Variants in MYH10 observed in about 807,000 individuals in gnomAD.
MYH10 encodes the protein myosin heavy chain 10, also known as myosin-10.
In MYH10, 55 loss-of-function variants were observed where a neutral mutation model predicts 257.8. The ratio of observed to expected loss-of-function variants is 0.21; its 90% confidence interval spans 0.17 to 0.27. The LOEUF is 0.27. Among genes scored for constraint, MYH10 ranks in the 10% least tolerant of loss-of-function variants. The probability of loss-of-function intolerance (pLI) is 1.00; values close to 1 mark genes in which losing one functional copy is unlikely to be tolerated. For synonymous variants in MYH10, 854 were observed against 921.7 expected (o/e 0.93, Z 1.33); for missense variants, 1,631 against 2,500.6 (o/e 0.65, Z 7.42).
In MYH10 at chr17:8,553,880, C is replaced by T. The variant is rs1567891772; in HGVS notation, c.820+75G>A. On this transcript the variant is annotated intron_variant, in intron 8 of 42. Coordinates refer to ENST00000360416, the MANE Select transcript of MYH10 (RefSeq NM_001256012.3). The stretch of plus-strand genomic sequence containing the variant: ...CATCTGGATTTTGGGAGTGATATCA[C>T]AGACGGTTGCCATGGGGTTGTAGGA... 6.5e-6 allele frequency: 8 copies of T among 1,223,188 alleles called. No homozygotes were observed. The Admixed American group carries it at 1.3e-4, about 20-fold the overall frequency. The allele number at this position is 1,223,188 out of a possible 1,614,324, so 75.8% of individuals were successfully genotyped here. A position where few individuals can be genotyped will look rare whatever the true frequency, so the allele number is the denominator to read the frequency against.
intron 7 of MYH10, among the ~76,000 whole-genome samples, chr17:8,568,848 CA>C (rs2083245497): frequency 6.6e-6 from 1 of 151,898 alleles, no homozygotes; most frequent in Admixed American, 6.6e-5. Flanking sequence ...CTTAGGATAA[CA>C]TTCTCAGGTG....
intron 14 of MYH10, among the ~76,000 whole-genome samples, chr17:8,541,819 G>A (rs1196158566): frequency 6.6e-6 from 1 of 152,066 alleles, no homozygotes; most frequent in Non-Finnish European, 1.5e-5. Flanking sequence ...AAATGCCAGC[G>A]CACAGGGCCA....
chr17:8,500,856 C>T lies in MYH10; in HGVS notation c.3714G>A (p.Glu1238=). Reference sequence around the variant, plus strand: ...TGGCCTGTTCCAGCTGCTCTGAGAGCTCCTCCAGGGCTGTTGCGTGTCTTT... The same window carrying T: ...TGGCCTGTTCCAGCTGCTCTGAGAGTTCCTCCAGGGCTGTTGCGTGTCTTT... The part of the protein sequence containing the change: ...MRQRHATALE[E]LSEQLEQAKR... Residue 1238 remains glutamate, a synonymous_variant, in exon 29 of 43, where the codon GAG becomes GAA. Transcript: ENST00000360416. 6.2e-7 allele frequency: 1 copy of T among 1,613,692 alleles called. No individual in the cohort carries two copies. The highest frequency in any genetic ancestry group is 8.5e-7 in the Non-Finnish European group (1 of 1,180,018).
chr17:8,623,549 T>G (rs1238230137), intron 1 of MYH10: 1 of 184,872 alleles, frequency 5.4e-6, no homozygotes, highest in African/African-American at 2.3e-5. Flanking sequence ...AGTTACAAGT[T>G]GACCCTTTTT....
At chr17:8,495,097 TGTTA>T in intron 31 of MYH10, 36 bp downstream of exon 31, 2 of 1,199,960 alleles carry the variant, frequency 1.7e-6, no homozygotes, top group Non-Finnish European at 2.5e-6. Context: ...ATTACAGAAA[TGTTA>T]GTTATTATAA....
chr17:8,615,875 T>C (rs2085242035), intron 2 of MYH10, among the ~76,000 whole-genome samples: 1 of 152,238 alleles, frequency 6.6e-6, no homozygotes, highest in South Asian at 2.1e-4. Context: ...GATGAAATGT[T>C]GACAGTTTCC....
chr17:8,484,946 T>G (rs1914505860), intron 36 of MYH10, among the ~76,000 whole-genome samples: 1 of 152,204 alleles, frequency 6.6e-6, no homozygotes, highest in South Asian at 2.1e-4. Context: ...GCAATAGAGA[T>G]TCTAGCCAGG....
chr17:8,527,133 A>G (rs1836228766), intron 17 of MYH10, among the ~76,000 whole-genome samples: 1 of 152,242 alleles, frequency 6.6e-6, no homozygotes, highest in South Asian at 2.1e-4. Flanking sequence ...CGATCTTCAC[A>G]TCAGTCTGTC....
At chr17:8,487,904 C>A (rs549798177) in intron 35 of MYH10, among the ~76,000 whole-genome samples, 9 of 152,232 alleles carry the variant, frequency 5.9e-5, no homozygotes, top group African/African-American at 1.7e-4. Context: ...CAAGACAATA[C>A]GGTAACCATG....
intron 14 of MYH10, among the ~76,000 whole-genome samples, chr17:8,537,173 G>A (rs2151936824): frequency 6.6e-6 from 1 of 152,258 alleles, no homozygotes; most frequent in Non-Finnish European, 1.5e-5. Flanking sequence ...ATCATTTATT[G>A]TCACACTGCA....
chr17:8,513,897 G>A lies in MYH10; in HGVS notation c.2505-3C>T, dbSNP rs376450074. 13 of 1,612,226 alleles carry A rather than the reference G, an allele frequency of 8.1e-6. No homozygotes were observed. Among genetic ancestry groups the A allele is most frequent in the Middle Eastern group, 1.6e-4 (1 of 6,082 alleles). On this transcript the variant is annotated splice_polypyrimidine_tract_variant and splice_region_variant and intron_variant, in intron 21 of 42. Transcript: ENST00000360416. ...GCTGCTGCTTCTTGGCAAAGGCCCT[G>A]AAGAACAATAAGAAAAACTTATGAT...
chr17:8,594,343 A>G (rs930373768), intron 3 of MYH10, among the ~76,000 whole-genome samples: 3 of 152,180 alleles, frequency 2.0e-5, no homozygotes, highest in African/African-American at 7.2e-5. Flanking sequence ...ACATCAAAAG[A>G]TGCATTAGGA....
At chr17:8,498,217 C>T (rs1752824198) in intron 30 of MYH10, among the ~76,000 whole-genome samples, 1 of 151,788 alleles carries the variant, frequency 6.6e-6, no homozygotes, top group South Asian at 2.1e-4. Context: ...AACTCCTGAC[C>T]TCAGGTGATC....
At position 8,474,726 on chromosome 17, in the gene MYH10, A is replaced by C. The variant is rs1341260800; in HGVS notation, c.*1078T>G. 6.5e-6 allele frequency: 1 copy of C among 152,710 alleles called. No individual in the cohort carries two copies. The highest frequency in any genetic ancestry group is 1.5e-5 in the Non-Finnish European group (1 of 68,074). The allele number at this position is 152,710 out of a possible 1,614,324, so 9.5% of individuals were successfully genotyped here. ...AACTACCAACCAAAAACAGGATGCT[A>C]AGTGTTCACTGTAACACTGTCCAAA... On this transcript the variant is annotated 3_prime_UTR_variant, in exon 43 of 43. Transcript: ENST00000360416.
rs994179061 is a variant in MYH10 at position 8,489,144 on chromosome 17, G to A, written c.4884+1196C>T. On this transcript the variant is annotated intron_variant, in intron 35 of 42. Coordinates refer to ENST00000360416, the MANE Select transcript of MYH10 (RefSeq NM_001256012.3). ...GGAGGCCCATGTGGTGAGCTGCTGA[G>A]GCCTCCTGCTGACACCATGTGTGTG... 1.1e-4 allele frequency among the ~76,000 whole-genome samples: 16 copies of A among 152,192 alleles called. 1 individual carries two copies. The highest frequency in any genetic ancestry group is 9.2e-4 in the Admixed American group (14 of 15,282).
At chr17:8,519,859 T>C (rs974549967) in intron 19 of MYH10, among the ~76,000 whole-genome samples, 1 of 145,542 alleles carries the variant, frequency 6.9e-6, no homozygotes, top group African/African-American at 2.5e-5. Flanking sequence ...TCAAGAAAAT[T>C]ACCAAATAAA....
chr17:8,601,017 AAC>A (rs1226102015), intron 3 of MYH10, among the ~76,000 whole-genome samples: 2 of 152,244 alleles, frequency 1.3e-5, no homozygotes, highest in East Asian at 1.9e-4. Context: ...CATGACTGGA[AAC>A]ACAGTGAATT....
At chr17:8,619,158 C>G (rs1214084053) in intron 2 of MYH10, among the ~76,000 whole-genome samples, 2 of 152,304 alleles carry the variant, frequency 1.3e-5, no homozygotes, top group Non-Finnish European at 2.9e-5. Context: ...TTTTGTCACA[C>G]TGAATATTAA....
rs1917131588 is a variant in MYH10, at chr17:8,499,146, G to A, written c.3951+124C>T. On this transcript the variant is annotated intron_variant, in intron 30 of 42. Coordinates refer to ENST00000360416, the MANE Select transcript of MYH10 (RefSeq NM_001256012.3). ...CACCTAAGACTCGATGTATTTACTG[G>A]ATAGCAATTTTCAGGTGTCGCACAG... 7.5e-5 allele frequency: 62 copies of A among 829,978 alleles called. No homozygotes were observed. In the South Asian group the frequency reaches 1.0e-3, roughly 14 times the overall value. The allele number at this position is 829,978 out of a possible 1,614,324, so 51.4% of individuals were successfully genotyped here.
Sources: allele counts gnomAD v4.1 joint callset (sites outside exome capture counted in the v4.1 genomes callset), GRCh38; gene constraint gnomAD v4.1.1; transcripts MANE v1.5; gene names NCBI Gene and HGNC (gene_info 2026-07-23, HGNC 2026-07-21).